Variants in DCBLD1 observed in about 807,000 individuals in gnomAD.
The protein encoded by DCBLD1 is discoidin, CUB and LCCL domain containing 1.
A neutral mutation model predicts 71.5 loss-of-function variants in DCBLD1; 57 were observed. The observed-to-expected ratio is 0.80, with a 90% confidence interval of 0.64 to 0.99. The LOEUF is 0.99. DCBLD1 is among the 50% of genes least tolerant of loss of function. The pLI is 0.00. For missense variants in DCBLD1, 891 were observed against 923.5 expected, an observed-to-expected ratio of 0.96 and a Z score of 0.46; for synonymous variants, 380 against 363.8, an observed-to-expected ratio of 1.04 and a Z score of -0.51.
At chr6:117,510,937 T>C (rs1383665752) in intron 2 of DCBLD1, among the ~76,000 whole-genome samples, 1 of 152,192 alleles carries the variant, frequency 6.6e-6, no homozygotes, top group Admixed American at 6.5e-5. Flanking sequence ...CATTTAACCC[T>C]TATAACAGCC....
chr6:117,505,446 C>G (rs1018072488), intron 2 of DCBLD1, among the ~76,000 whole-genome samples: 2 of 152,114 alleles, frequency 1.3e-5, no homozygotes, highest in Non-Finnish European at 2.9e-5. Flanking sequence ...ACACGGGTCT[C>G]TTGGGGGAAG....
At chr6:117,530,875 C>T (rs528748699) in intron 5 of DCBLD1, among the ~76,000 whole-genome samples, 3 of 152,100 alleles carry the variant, frequency 2.0e-5, no homozygotes, top group African/African-American at 4.8e-5. Context: ...ACGATCTTTA[C>T]GATCTTTTTC....
chr6:117,547,716 G>A (rs769274716), intron 14 of DCBLD1, 191 bp from the exon 15 acceptor site: 120 of 1,210,660 alleles, frequency 9.9e-5, no homozygotes, highest in Admixed American at 3.6e-4. Context: ...TGAGCAGGCG[G>A]TGCGGTTGTG....
At chr6:117,498,555 G>A (rs17574630) in intron 1 of DCBLD1, among the ~76,000 whole-genome samples, 21,624 of 151,944 alleles carry the variant, frequency 0.14, 1,986 homozygotes, top group Non-Finnish European at 0.2. Context: ...TGTCACTCCC[G>A]GCCTATCCTC....
At chr6:117,531,723 C>A (rs549557549) in intron 5 of DCBLD1, among the ~76,000 whole-genome samples, 2 of 152,240 alleles carry the variant, frequency 1.3e-5, no homozygotes, top group Admixed American at 6.5e-5. Flanking sequence ...GGTTTTGGTA[C>A]CTTGATAAAT....
At chr6:117,506,230 G>T (rs1379426458) in intron 2 of DCBLD1, among the ~76,000 whole-genome samples, 3 of 152,004 alleles carry the variant, frequency 2.0e-5, no homozygotes, top group Non-Finnish European at 4.4e-5. Flanking sequence ...GGCACAGTGT[G>T]ATTAGGTGAA....
intron 1 of DCBLD1, among the ~76,000 whole-genome samples, chr6:117,497,429 G>A (rs965824052): frequency 7.9e-5 from 12 of 152,156 alleles, no homozygotes; most frequent in East Asian, 5.8e-4. Context: ...TGTAGTGGAT[G>A]GAATTAAAGT....
chr6:117,550,536 G>A (rs1779411443), downstream of DCBLD1, among the ~76,000 whole-genome samples: 1 of 152,162 alleles, frequency 6.6e-6, no homozygotes, highest in South Asian at 2.1e-4. Flanking sequence ...TGACAAGCAA[G>A]ACTACACTTA....
Position 117,549,483 on chromosome 6 carries a change from C to T in DCBLD1, c.*1044C>T, listed in dbSNP as rs1779386465. ...AACAGTCCAGACATCAGCTGTACCT[C>T]ATGCTCAGTAGTTTTTATTTGAGTT... On this transcript the variant is annotated 3_prime_UTR_variant, in exon 15 of 15. Transcript: ENST00000338728. 1.0e-6 allele frequency: 1 copy of T among 985,398 alleles called. No homozygotes were observed. Among genetic ancestry groups the T allele is most frequent in the African/African-American group, 1.7e-5 (1 of 57,330 alleles). 61.0% of individuals were successfully genotyped at this position (985,398 alleles called of 1,614,324 possible).
chr6:117,527,295 A>G (rs531984623), intron 5 of DCBLD1, among the ~76,000 whole-genome samples: 2 of 152,312 alleles, frequency 1.3e-5, no homozygotes, highest in Admixed American at 6.5e-5. Context: ...GAGGGATTCC[A>G]CAAGAGGGGA....
At chr6:117,498,567 C>T (rs1777543392) in intron 1 of DCBLD1, among the ~76,000 whole-genome samples, 1 of 152,138 alleles carries the variant, frequency 6.6e-6, no homozygotes, top group Non-Finnish European at 1.5e-5. Context: ...CCTATCCTCC[C>T]CACAACACTA....
chr6:117,516,495 A>G (rs1413957478), intron 2 of DCBLD1, among the ~76,000 whole-genome samples: 1 of 152,108 alleles, frequency 6.6e-6, no homozygotes, highest in Non-Finnish European at 1.5e-5. Context: ...TTGGCATGTG[A>G]GGGTAAGCAT....
intron 14 of DCBLD1, among the ~76,000 whole-genome samples, chr6:117,559,670 G>A (rs1395881298): frequency 6.6e-6 from 1 of 152,096 alleles, no homozygotes; most frequent in African/African-American, 2.4e-5. Flanking sequence ...CAAATATTCA[G>A]CACCAACAGT....
At chr6:117,507,956 C>T (rs1777893526) in intron 2 of DCBLD1, 1 of 152,192 alleles carries the variant, frequency 6.6e-6, no homozygotes, top group African/African-American at 2.4e-5. Flanking sequence ...TTGCTTCCCT[C>T]TTGACTGTTT....
intron 2 of DCBLD1, among the ~76,000 whole-genome samples, chr6:117,506,356 C>CA (rs1314821538): frequency 2.6e-5 from 4 of 151,980 alleles, no homozygotes; most frequent in African/African-American, 7.3e-5. Context: ...TCACCATCAC[C>CA]AAAAAAACCA....
chr6:117,499,416 G>GAA (rs140943608), intron 1 of DCBLD1, among the ~76,000 whole-genome samples: 2 of 133,126 alleles, frequency 1.5e-5, no homozygotes, highest in Admixed American at 7.5e-5. Context: ...AAAAGAAAAA[G>GAA]AAAAAAAAAA....
At chr6:117,552,250 A>G (rs1290523211), downstream of DCBLD1, among the ~76,000 whole-genome samples, 1 of 152,154 alleles carries the variant, frequency 6.6e-6, no homozygotes, top group East Asian at 1.9e-4. Flanking sequence ...TTCTAAATCT[A>G]CTTCTTTATT....
At chr6:117,507,286 A>G (rs74749978) in intron 2 of DCBLD1, among the ~76,000 whole-genome samples, 3,947 of 152,334 alleles carry the variant, frequency 0.026, 77 homozygotes, top group East Asian at 0.051. Flanking sequence ...ACAAAAATGC[A>G]TTGTAAACAA....
chr6:117,569,247 T>G (rs181769676), intron 14 of DCBLD1, among the ~76,000 whole-genome samples: 22 of 152,352 alleles, frequency 1.4e-4, no homozygotes, highest in African/African-American at 5.3e-4. Flanking sequence ...TGTTGTTTTT[T>G]CAGTCTCAGG....
Sources: allele counts gnomAD v4.1 joint callset (sites outside exome capture counted in the v4.1 genomes callset), GRCh38; gene constraint gnomAD v4.1.1; transcripts MANE v1.5; gene names NCBI Gene and HGNC (gene_info 2026-07-23, HGNC 2026-07-21).